The following MYO1H variants were observed in gnomAD, a reference collection of about 807,000 sequenced individuals.
MYO1H encodes the protein myosin IH, also known as unconventional myosin-Ih.
A neutral mutation model predicts 149.3 loss-of-function variants in MYO1H; 118 were observed. The observed-to-expected ratio is 0.79, with a 90% CI of 0.68 to 0.92. The LOEUF is 0.92. MYO1H is among the 40% of genes least tolerant of loss of function. MYO1H has a pLI of 0.00. For missense variants in MYO1H, 1,212 were observed against 1,280.7 expected (o/e 0.95, Z 0.82); for synonymous variants, 447 against 465.2 (o/e 0.96, Z 0.50).
At position 109,445,533 on chromosome 12, in the gene MYO1H, C is replaced by T. The variant is rs141314206; in HGVS notation, c.3014C>T (p.Pro1005Leu). The stretch of plus-strand genomic sequence containing the variant: ...TTAAGTTTACAGTTTTTTATTAGTC[C>T]GGGAAAAGAAGGCACAATAGTTTTC... The change falls in exon 31 of 32, where the codon CCG becomes CTG. Residue 1005 changes from proline (P) to leucine (L), a missense_variant. By Grantham distance (98) the Pro-to-Leu change is moderately conservative. Transcript: ENST00000310903. The T allele has an allele frequency of 7.3e-5, 117 of 1,608,878 alleles. No homozygotes were observed. The African/African-American group carries it at 1.1e-3, about 15-fold the overall frequency.
the MYO1H span, among the ~76,000 whole-genome samples, chr12:109,341,062 C>T: frequency 3.3e-5 from 5 of 151,918 alleles, no homozygotes; most frequent in Middle Eastern, 3.2e-3. Flanking sequence ...GTGGCGGGCA[C>T]CTGTAATCCC....
the MYO1H span, among the ~76,000 whole-genome samples, chr12:109,342,205 C>CACTCTCTTG: frequency 7.1e-6 from 1 of 141,650 alleles, no homozygotes; most frequent in South Asian, 2.3e-4. Context: ...AGTGCAGTGG[C>CACTCTCTTG]ACTCTCTTGG....
chr12:109,434,222 C>T (rs1055514923), intron 20 of MYO1H, among the ~76,000 whole-genome samples: 1 of 152,174 alleles, frequency 6.6e-6, no homozygotes, highest in African/African-American at 2.4e-5. Context: ...GTTTGTCAGG[C>T]TGGTCTCAAA....
intron 8 of MYO1H, among the ~76,000 whole-genome samples, chr12:109,406,466 TTAAAAAAAAAAAAAAAAAAAA>T (rs1416858880): frequency 7.9e-5 from 8 of 101,734 alleles, no homozygotes; most frequent in African/African-American, 2.4e-4. Flanking sequence ...ACCCTATCTC[TTAAAAAAAAAAAAAAAAAAAA>T]AAAAAAAAAA....
chr12:109,406,466 TTAAAAAAAAAAAAAAAAA>T (rs1870395737), intron 8 of MYO1H, among the ~76,000 whole-genome samples: 2 of 101,708 alleles, frequency 2.0e-5, no homozygotes, highest in East Asian at 3.2e-4. Flanking sequence ...ACCCTATCTC[TTAAAAAAAAAAAAAAAAA>T]AAAAAAAAAA....
chr12:109,365,290 TAAAC>T (rs1868843830), intron 1 of MYO1H, among the ~76,000 whole-genome samples: 1 of 152,006 alleles, frequency 6.6e-6, no homozygotes, highest in Non-Finnish European at 1.5e-5. Context: ...AATAAATAAA[TAAAC>T]AAGGTAATCT....
In MYO1H at chr12:109,412,023, G is replaced by A. The variant is rs140472783; in HGVS notation, c.1502+38G>A. On this transcript the variant is annotated intron_variant, in intron 14 of 31. Transcript: ENST00000310903. ...TTTTACCAGATTTTGCATGGGGGAA[G>A]ATGATTGTGTCTCCATTTTCTTTAG... 2.2e-3 allele frequency: 2,996 copies of A among 1,378,198 alleles called. 11 individuals carry two copies. Among genetic ancestry groups the A allele is most frequent in the Non-Finnish European group, 2.6e-3 (2,644 of 998,318 alleles). 85.4% of individuals were successfully genotyped at this position (1,378,198 alleles called of 1,614,324 possible).
intron 22 of MYO1H, among the ~76,000 whole-genome samples, chr12:109,437,957 G>A (rs565517044): frequency 2.6e-5 from 4 of 151,902 alleles, no homozygotes; most frequent in South Asian, 2.1e-4. Flanking sequence ...GCGTGGTGGT[G>A]CACACCTGTA....
the MYO1H span, among the ~76,000 whole-genome samples, chr12:109,317,385 CAG>C: frequency 1.3e-5 from 2 of 152,152 alleles, no homozygotes; most frequent in African/African-American, 4.8e-5. Context: ...AAATTTAAAT[CAG>C]AGAGTAACCA....
At chr12:109,325,444 T>C in the MYO1H span, among the ~76,000 whole-genome samples, 1 of 152,206 alleles carries the variant, frequency 6.6e-6, no homozygotes, top group African/African-American at 2.4e-5. Context: ...TTAAGATGAT[T>C]AAAGACTTAA....
At chr12:109,311,635 G>A in the MYO1H span, among the ~76,000 whole-genome samples, 1 of 152,232 alleles carries the variant, frequency 6.6e-6, no homozygotes, top group Non-Finnish European at 1.5e-5. Context: ...CTGAGCTAAA[G>A]GCGGCCAATA....
intron 23 of MYO1H, 71 bp downstream of exon 23, chr12:109,438,691 T>C (rs2135597853): frequency 8.8e-7 from 1 of 1,140,504 alleles, no homozygotes; most frequent in East Asian, 2.5e-5. Flanking sequence ...GTCATGGAGG[T>C]AGATGAGTTC....
At chr12:109,445,748 C>T in intron 31 of MYO1H, 136 bp downstream of exon 31, 1 of 1,368,306 alleles carries the variant, frequency 7.3e-7, no homozygotes, top group Non-Finnish European at 9.4e-7. Context: ...ATTCCTAATT[C>T]TACATCTGTA....
chr12:109,424,865 AC>A (rs781116903), intron 17 of MYO1H, 37 bp downstream of exon 17: 1 of 1,523,962 alleles, frequency 6.6e-7, no homozygotes, highest in South Asian at 1.1e-5. Context: ...ATTGGATCTC[AC>A]CAGAGGGTGA....
intron 1 of MYO1H, among the ~76,000 whole-genome samples, chr12:109,380,746 G>A (rs984128007): frequency 3.3e-5 from 5 of 152,108 alleles, no homozygotes; most frequent in African/African-American, 1.2e-4. Context: ...AGGAGTTCGA[G>A]ACCAGCCTGG....
At chr12:109,424,584 C>T (rs1871289302) in intron 16 of MYO1H, among the ~76,000 whole-genome samples, 164 bp from the exon 17 acceptor site, 2 of 152,228 alleles carry the variant, frequency 1.3e-5, no homozygotes, top group African/African-American at 4.8e-5. Context: ...ACATGGCCTT[C>T]CATATTTAAC....
intron 1 of MYO1H, among the ~76,000 whole-genome samples, chr12:109,371,357 C>CT (rs1394379231): frequency 6.6e-6 from 1 of 151,822 alleles, no homozygotes; most frequent in East Asian, 1.9e-4. Flanking sequence ...GCTGGGACTT[C>CT]AGGTGTGTGC....
intron 10 of MYO1H, 84 bp downstream of exon 10, chr12:109,407,997 G>A: frequency 6.3e-7 from 1 of 1,578,552 alleles, no homozygotes; most frequent in Non-Finnish European, 8.7e-7. Flanking sequence ...ATTTGGGAGG[G>A]AGAATGAACT....
At chr12:109,354,333 T>C (rs978377848) in intron 1 of MYO1H, 1 of 152,082 alleles carries the variant, frequency 6.6e-6, no homozygotes, top group Non-Finnish European at 1.5e-5. Context: ...CCAGGCACAG[T>C]GGCTCAAGCC....
Sources: gnomAD v4.1 joint callset for allele counts (sites outside exome capture counted in the v4.1 genomes callset) on GRCh38, gnomAD v4.1.1 for gene constraint, MANE v1.5 for transcripts, NCBI Gene and HGNC (gene_info 2026-07-23, HGNC 2026-07-21) for gene names.